Variants in THSD7B observed in about 807,000 individuals in gnomAD.
The protein encoded by THSD7B is thrombospondin type-1 domain-containing protein 7B.
THSD7B carries 138 observed loss-of-function variants against 213.6 expected under a neutral mutation model. The ratio of observed to expected loss-of-function variants is 0.65; its 90% confidence interval spans 0.56 to 0.74. THSD7B has a LOEUF of 0.74. Among genes scored for constraint, THSD7B ranks in the 30% least tolerant of loss-of-function variants. The probability of loss-of-function intolerance (pLI) is 0.00; values close to 1 mark genes in which losing one functional copy is unlikely to be tolerated. For missense variants in THSD7B, 1,931 were observed against 1,991.5 expected (o/e 0.97, Z 0.58); for synonymous variants, 742 against 687.0 (o/e 1.08, Z -1.25).
intron 7 of THSD7B, among the ~76,000 whole-genome samples, chr2:137,192,199 A>G (rs959261549): frequency 2.6e-5 from 4 of 152,186 alleles, no homozygotes; most frequent in Middle Eastern, 3.2e-3. Flanking sequence ...AATCGTGGGT[A>G]TACATAAATA....
At chr2:136,959,981 C>T (rs997530203) in intron 2 of THSD7B, among the ~76,000 whole-genome samples, 9 of 152,282 alleles carry the variant, frequency 5.9e-5, no homozygotes, top group South Asian at 4.1e-4. Context: ...AGAGCTGAAT[C>T]GCTAACCATT....
intron 12 of THSD7B, among the ~76,000 whole-genome samples, chr2:137,369,464 G>A (rs1255520700): frequency 6.6e-6 from 1 of 152,056 alleles, no homozygotes; most frequent in African/African-American, 2.4e-5. Flanking sequence ...TGAAATCAAA[G>A]GGATACAGAA....
intron 5 of THSD7B, among the ~76,000 whole-genome samples, chr2:137,158,140 C>T (rs1679945010): frequency 6.6e-6 from 1 of 152,206 alleles, no homozygotes; most frequent in Non-Finnish European, 1.5e-5. Context: ...TAGATGGATG[C>T]TCAGTGGTTT....
chr2:137,252,498 C>T (rs1448604830), intron 10 of THSD7B, among the ~76,000 whole-genome samples: 1 of 152,042 alleles, frequency 6.6e-6, no homozygotes, highest in African/African-American at 2.4e-5. Flanking sequence ...GATGGGGTCT[C>T]GCCATGTTGC....
intron 2 of THSD7B, among the ~76,000 whole-genome samples, chr2:136,920,111 C>T (rs73957712): frequency 0.041 from 6,263 of 152,334 alleles, 269 homozygotes; most frequent in African/African-American, 0.1. Flanking sequence ...GGGTGTGTTT[C>T]AGCCCTGTTT....
Position 137,045,033 on chromosome 2 carries a change from C to T in THSD7B, c.140-11387C>T, listed in dbSNP as rs186653959. Among the ~76,000 whole-genome samples, 5 of 152,296 alleles carry T rather than the reference C, an allele frequency of 3.3e-5. No homozygotes were observed. The East Asian group carries it at 9.7e-4, about 29-fold the overall frequency. Reference sequence around the variant, plus strand: ...TCCACCTAAAAATTTAAGGCCTTTTCCAACTCAGTACTTATGTACTGTGGC... The same window carrying T: ...TCCACCTAAAAATTTAAGGCCTTTTTCAACTCAGTACTTATGTACTGTGGC... On this transcript the variant is annotated intron_variant, in intron 2 of 27. Coordinates refer to ENST00000409968, the MANE Select transcript of THSD7B (RefSeq NM_001316349.2).
chr2:137,055,416 A>G (rs75265232), intron 2 of THSD7B, among the ~76,000 whole-genome samples: 1 of 152,154 alleles, frequency 6.6e-6, no homozygotes, highest in Non-Finnish European at 1.5e-5. Context: ...ACAGGTTCAG[A>G]TTACATATTT....
chr2:137,652,643 T>C (rs1683162362), intron 21 of THSD7B, among the ~76,000 whole-genome samples: 1 of 152,126 alleles, frequency 6.6e-6, no homozygotes. Context: ...TTTTCCCCTC[T>C]TCCTTTGTGG....
chr2:137,528,728 C>T (rs936841192), intron 15 of THSD7B, among the ~76,000 whole-genome samples: 1 of 152,052 alleles, frequency 6.6e-6, no homozygotes, highest in Admixed American at 6.6e-5. Context: ...CTGAGGACAA[C>T]TTGTATCAGA....
intron 2 of THSD7B, among the ~76,000 whole-genome samples, chr2:136,979,097 T>C (rs149524315): frequency 7.9e-5 from 12 of 152,318 alleles, no homozygotes; most frequent in African/African-American, 2.9e-4. Flanking sequence ...ATTTTTTTCT[T>C]TAAGAATGTT....
intron 12 of THSD7B, among the ~76,000 whole-genome samples, chr2:137,325,916 G>T (rs982094223): frequency 6.6e-6 from 1 of 152,150 alleles, no homozygotes; most frequent in Non-Finnish European, 1.5e-5. Flanking sequence ...TTCATGTGTT[G>T]CCATAACATC....
chr2:137,461,616 G>T (rs112243641), intron 15 of THSD7B, among the ~76,000 whole-genome samples: 6 of 151,626 alleles, frequency 4.0e-5, no homozygotes. Context: ...TCTATTCTTC[G>T]TACAGAAACC....
At chr2:137,620,870 T>C (rs1682507603) in intron 20 of THSD7B, 144 bp downstream of exon 20, 1 of 644,608 alleles carries the variant, frequency 1.6e-6, no homozygotes, top group South Asian at 2.0e-5. Context: ...AAACAGAGCC[T>C]GGCCTCATAT....
At chr2:137,423,313 T>C (rs1686968623) in intron 14 of THSD7B, among the ~76,000 whole-genome samples, 2 of 152,120 alleles carry the variant, frequency 1.3e-5, no homozygotes, top group African/African-American at 4.8e-5. Flanking sequence ...TAAAAATAAA[T>C]AAAAGGTATC....
chr2:136,768,760 A>G (rs186420629), intron 1 of THSD7B, among the ~76,000 whole-genome samples: 1 of 152,340 alleles, frequency 6.6e-6, no homozygotes, highest in East Asian at 1.9e-4. Context: ...TGGATTTTTG[A>G]ATATGGATTG....
At chr2:137,382,747 C>T (rs1685805697) in intron 12 of THSD7B, among the ~76,000 whole-genome samples, 1 of 152,144 alleles carries the variant, frequency 6.6e-6, no homozygotes, top group Non-Finnish European at 1.5e-5. Flanking sequence ...CCCTTAGGAG[C>T]AAAGTTGCAA....
intron 15 of THSD7B, among the ~76,000 whole-genome samples, chr2:137,547,362 T>C (rs907357473): frequency 2.6e-5 from 4 of 152,028 alleles, no homozygotes; most frequent in African/African-American, 9.7e-5. Flanking sequence ...CCTTATATTT[T>C]AACTCGTAAT....
chr2:137,073,826 C>G (rs1410586221), intron 3 of THSD7B, among the ~76,000 whole-genome samples: 1 of 152,172 alleles, frequency 6.6e-6, no homozygotes, highest in Non-Finnish European at 1.5e-5. Flanking sequence ...TTATTTCTGC[C>G]TTCAGTTCGT....
chr2:137,365,069 G>C (rs909486009), intron 12 of THSD7B, among the ~76,000 whole-genome samples: 2 of 152,014 alleles, frequency 1.3e-5, no homozygotes. Context: ...CAGAACAGAG[G>C]CCTCAGAAAT....
Sources: gnomAD v4.1 joint callset for allele counts (sites outside exome capture counted in the v4.1 genomes callset) on GRCh38, gnomAD v4.1.1 for gene constraint, MANE v1.5 for transcripts, NCBI Gene and HGNC (gene_info 2026-07-23, HGNC 2026-07-21) for gene names.